The following NOMO3 variants were observed in gnomAD, a reference collection of about 807,000 sequenced individuals.
The protein encoded by NOMO3 is BOS complex subunit NOMO3.
NOMO3 carries 15 observed loss-of-function variants against 69.9 expected under a neutral mutation model. The ratio of observed to expected loss-of-function variants is 0.21; its 90% CI spans 0.14 to 0.33. The LOEUF (loss-of-function observed/expected upper bound fraction) is 0.33, where lower values mean the gene tolerates loss of function less well. NOMO3 is among the 10% of genes least tolerant of loss of function. The probability of loss-of-function intolerance (pLI) is 1.00; values close to 1 mark genes in which losing one functional copy is unlikely to be tolerated. For missense variants in NOMO3, 218 were observed against 761.0 expected (o/e 0.29, Z 8.39); for synonymous variants, 89 against 301.9 (o/e 0.29, Z 7.31).
At position 16,265,038 on chromosome 16, in the gene NOMO3, T is replaced by C. The variant is rs1322565546; in HGVS notation, c.1670-5T>C. On this transcript the variant is annotated splice_region_variant and splice_polypyrimidine_tract_variant and intron_variant, in intron 14 of 30. Transcript: ENST00000399336. ...TGTATCCGTTTTTGGTGTTTGCTTTTGCAGTAAGCATCATGCATGAGGATT... is the reference window on the plus strand; with the variant it reads ...TGTATCCGTTTTTGGTGTTTGCTTTCGCAGTAAGCATCATGCATGAGGATT... 5 of 1,543,480 alleles carry C rather than the reference T, an allele frequency of 3.2e-6. No homozygotes were observed. Among genetic ancestry groups the C allele is most frequent in the Non-Finnish European group, 4.3e-6 (5 of 1,151,024 alleles).
rs59243746 is a variant in NOMO3 at position 16,265,670 on chromosome 16, ATTT to A, written c.1806+517_1806+519del. ...TATATATATATATATATATATATAT[ATTT>A]TTTTTTTTTTTTTTTTTTTTTTTTT... On this transcript the variant is annotated intron_variant, in intron 15 of 30. Transcript: ENST00000399336. Among the ~76,000 whole-genome samples, 10 of 16,670 alleles carry A rather than the reference ATTT, an allele frequency of 6.0e-4. 1 individual carries two copies. Among genetic ancestry groups the A allele is most frequent in the East Asian group, 3.9e-3 (1 of 254 alleles). 10.9% of individuals were successfully genotyped at this position (16,670 alleles called of 152,430 possible).
intron 13 of NOMO3, 34 bp from the exon 14 acceptor site, chr16:16,263,479 G>C (rs2049582046): frequency 2.2e-6 from 2 of 904,246 alleles, no homozygotes; most frequent in Non-Finnish European, 1.6e-6. Context: ...CCTTATAAGG[G>C]GTCACATGGA....
chr16:16,260,503 A>C (rs955745080), intron 11 of NOMO3, among the ~76,000 whole-genome samples: 1 of 142,996 alleles, frequency 7.0e-6, no homozygotes, highest in Non-Finnish European at 1.5e-5. Context: ...TGTGTTTTTC[A>C]TAATTCCTAG....
intron 14 of NOMO3, 68 bp from the exon 15 acceptor site, chr16:16,264,975 T>C: frequency 9.6e-7 from 1 of 1,043,570 alleles, no homozygotes; most frequent in Non-Finnish European, 1.3e-6. Flanking sequence ...GATCATTGTT[T>C]CTGGTGGCGT....
intron 1 of NOMO3, among the ~76,000 whole-genome samples, chr16:16,234,922 G>T (rs539449471): frequency 6.6e-6 from 1 of 152,200 alleles, no homozygotes; most frequent in African/African-American, 2.4e-5. Context: ...CCGATCTTTA[G>T]GCTGCCACAC....
At chr16:16,258,864 CAAAA>C (rs1354381104) in intron 11 of NOMO3, among the ~76,000 whole-genome samples, 2 of 108,870 alleles carry the variant, frequency 1.8e-5, no homozygotes, top group Non-Finnish European at 1.8e-5. Context: ...GATTCCGTCT[CAAAA>C]AAAAAAAAAA....
chr16:16,239,158 C>T (rs113460224), intron 2 of NOMO3, among the ~76,000 whole-genome samples: 13 of 143,406 alleles, frequency 9.1e-5, no homozygotes, highest in Admixed American at 6.1e-4. Context: ...AATGAGTTAA[C>T]GTATTGTTTA....
chr16:16,244,349 C>G (rs925983126), intron 4 of NOMO3, among the ~76,000 whole-genome samples: 1 of 128,086 alleles, frequency 7.8e-6, no homozygotes, highest in Admixed American at 7.5e-5. Flanking sequence ...GAGTCTCGCT[C>G]TGTGGCCTAA....
intron 6 of NOMO3, among the ~76,000 whole-genome samples, chr16:16,248,120 T>G: frequency 1.6e-5 from 1 of 64,468 alleles, no homozygotes; most frequent in Non-Finnish European, 2.7e-5. Flanking sequence ...GGAGTCTCGC[T>G]CTGTTGCCAA....
In NOMO3 at chr16:16,266,353, T is replaced by G. The variant is rs1172127867; in HGVS notation, c.1807-691T>G. ...TTAGGAAACCTTTCCCTTCCAGCAGTGGAGTGGATTTCCAGCTCTCTTGTA... is the reference window on the plus strand; with the variant it reads ...TTAGGAAACCTTTCCCTTCCAGCAGGGGAGTGGATTTCCAGCTCTCTTGTA... On this transcript the variant is annotated intron_variant, in intron 15 of 30. Coordinates refer to ENST00000399336, the MANE Select transcript of NOMO3 (RefSeq NM_001004067.4). Among the ~76,000 whole-genome samples, 4 of 130,658 alleles carry G rather than the reference T, an allele frequency of 3.1e-5. No individual in the cohort carries two copies. The South Asian group carries it at 1.0e-3, about 33-fold the overall frequency. The allele number at this position is 130,658 out of a possible 152,430, so 85.7% of individuals were successfully genotyped here. A position where few individuals can be genotyped will look rare whatever the true frequency, so the allele number is the denominator to read the frequency against.
At chr16:16,263,245 T>C (rs2141258958) in intron 13 of NOMO3, 30 bp downstream of exon 13, 1 of 1,595,194 alleles carries the variant, frequency 6.3e-7, no homozygotes, top group South Asian at 1.1e-5. Flanking sequence ...TAAGAACACA[T>C]AGTTTCAAAG....
At position 16,259,172 on chromosome 16, in the gene NOMO3, C is replaced by T. The variant is rs1287236037; in HGVS notation, c.1221-2330C>T. Among the ~76,000 whole-genome samples the T allele has an allele frequency of 5.6e-5, 8 of 143,568 alleles. 1 individual carries two copies. The allele number at this position is 143,568 out of a possible 152,430, so 94.2% of individuals were successfully genotyped here. ...ATTTGAGCCACTGGGTAGATGGAGG[C>T]GGTGCTGTTCACGGAGATGGAGGAA... On this transcript the variant is annotated intron_variant, in intron 11 of 30. Transcript: ENST00000399336.
intron 13 of NOMO3, 123 bp downstream of exon 13, chr16:16,263,338 G>T: frequency 6.3e-7 from 1 of 1,581,416 alleles, no homozygotes; most frequent in Non-Finnish European, 8.5e-7. Flanking sequence ...TGCGAGGGAG[G>T]CTTCTTGGAG....
At chr16:16,266,128 G>C (rs1261743997) in intron 15 of NOMO3, among the ~76,000 whole-genome samples, 1 of 140,198 alleles carries the variant, frequency 7.1e-6, no homozygotes, top group Non-Finnish European at 1.5e-5. Flanking sequence ...ATCCCTTCGT[G>C]AATTTTCTAT....
At chr16:16,264,990 G>A in intron 14 of NOMO3, 53 bp from the exon 15 acceptor site, 1 of 1,243,326 alleles carries the variant, frequency 8.0e-7, no homozygotes, top group Non-Finnish European at 1.1e-6. Context: ...TGGCGTGCAG[G>A]GAGGTGGTGT....
At position 16,255,747 on chromosome 16, in the gene NOMO3, G is replaced by A. The variant is rs371216433; in HGVS notation, c.991G>A (p.Val331Ile). ...CGTGTTCCACGTCATGGGATTCTCC[G>A]TCACCGGGAGGGTCTTGAACGGACC... ...EPVFHVMGFS[V>I]TGRVLNGPEG... Residue 331 changes from valine to isoleucine, a missense_variant, in exon 10 of 31, where the codon GTC becomes ATC. By Grantham distance (29) the Val-to-Ile change is conservative. Transcript: ENST00000399336. 7.6e-5 allele frequency: 121 copies of A among 1,588,356 alleles called. 12 individuals are homozygous for A. The highest frequency in any genetic ancestry group is 5.9e-4 in the South Asian group (53 of 89,216).
intron 2 of NOMO3, among the ~76,000 whole-genome samples, chr16:16,239,237 A>C (rs1232785959): frequency 6.9e-6 from 1 of 143,970 alleles, no homozygotes; most frequent in Non-Finnish European, 1.5e-5. Context: ...TGCAGCACTG[A>C]CCTCCTGGGC....
intron 9 of NOMO3, among the ~76,000 whole-genome samples, chr16:16,254,699 C>T (rs1259415239): frequency 7.0e-6 from 1 of 143,248 alleles, no homozygotes; most frequent in African/African-American, 2.9e-5. Flanking sequence ...ACTAAGAAAT[C>T]GAACGAGGAC....
At chr16:16,266,417 A>T in intron 15 of NOMO3, among the ~76,000 whole-genome samples, 1 of 100,322 alleles carries the variant, frequency 1.0e-5, no homozygotes, top group Non-Finnish European at 1.9e-5. Flanking sequence ...ACACTTCCTT[A>T]ACCCCTTCTT....
Sources: gnomAD v4.1 joint callset for allele counts (sites outside exome capture counted in the v4.1 genomes callset) on GRCh38, gnomAD v4.1.1 for gene constraint, MANE v1.5 for transcripts, NCBI Gene and HGNC (gene_info 2026-07-23, HGNC 2026-07-21) for gene names.